The following PIGK variants were observed in gnomAD, a reference collection of about 807,000 sequenced individuals.
The protein encoded by PIGK is phosphatidylinositol glycan anchor biosynthesis class K, also known as GPI-anchor transamidase.
In PIGK, 42 loss-of-function variants were observed where a neutral mutation model predicts 50.6. The observed-to-expected ratio is 0.83, with a 90% CI of 0.65 to 1.07. PIGK has a LOEUF of 1.07. Among genes scored for constraint, PIGK ranks in the 50% least tolerant of loss-of-function variants. The pLI is 0.00. For missense variants in PIGK, 448 were observed against 488.7 expected, an observed-to-expected ratio of 0.92 and a Z score of 0.78; for synonymous variants, 151 against 156.0, an observed-to-expected ratio of 0.97 and a Z score of 0.24.
chr1:77,119,543 A>G (rs1654048507), intron 10 of PIGK, among the ~76,000 whole-genome samples: 1 of 152,184 alleles, frequency 6.6e-6, no homozygotes, highest in Admixed American at 6.5e-5. Context: ...TGGGTTTCCT[A>G]GGTATACAGT....
At chr1:77,110,580 C>G (rs570566145) in intron 10 of PIGK, among the ~76,000 whole-genome samples, 1 of 152,248 alleles carries the variant, frequency 6.6e-6, no homozygotes, top group South Asian at 2.1e-4. Context: ...AAACTGGATC[C>G]CTTCCTTACA....
At chr1:77,192,869 T>C (rs1352403365) in intron 3 of PIGK, among the ~76,000 whole-genome samples, 2 of 152,202 alleles carry the variant, frequency 1.3e-5, no homozygotes, top group Non-Finnish European at 2.9e-5. Flanking sequence ...TGTCCTTTGC[T>C]TCTTTTCTTT....
intron 9 of PIGK, among the ~76,000 whole-genome samples, chr1:77,149,788 T>C (rs4949650): frequency 0.18 from 26,836 of 152,102 alleles, 2,561 homozygotes; most frequent in East Asian, 0.36. Context: ...CTGCTGCAGA[T>C]TATACATTTT....
chr1:77,181,925 C>T (rs1255152018), intron 3 of PIGK, among the ~76,000 whole-genome samples: 1 of 152,152 alleles, frequency 6.6e-6, no homozygotes, highest in East Asian at 1.9e-4. Flanking sequence ...TGAAATTCAT[C>T]GTAATAAATC....
chr1:77,092,561 GA>G (rs1653324793), intron 10 of PIGK, 71 bp from the exon 11 acceptor site: 2 of 831,246 alleles, frequency 2.4e-6, no homozygotes, highest in Non-Finnish European at 4.0e-6. Flanking sequence ...AGCAAACATT[GA>G]TGAAAAAGAT....
In PIGK at chr1:77,092,426, A is replaced by G; in HGVS notation, c.1136T>C (p.Ile379Thr). 8 of 1,607,496 alleles carry G rather than the reference A, an allele frequency of 5.0e-6. No individual in the cohort carries two copies. Among genetic ancestry groups the G allele is most frequent in the Non-Finnish European group, 6.8e-6 (8 of 1,176,624 alleles). The change falls in exon 11 of 11, where the codon ATC becomes ACC. Residue 379 changes from isoleucine to threonine, a missense_variant. Ile to Thr is a moderately conservative substitution (Grantham distance 89, BLOSUM62 -1). Transcript: ENST00000370812. ...TCCATAAGTTTTGAAGAAAACCATG[A>G]TAATAAGTGCCCATAATCCCAGAAT... ...GFILGLWALIIMVFFKTYGIK... is the reference protein window; with the variant it reads ...GFILGLWALITMVFFKTYGIK...
intron 3 of PIGK, among the ~76,000 whole-genome samples, chr1:77,189,748 T>C (rs7537359): frequency 0.32 from 16,446 of 51,066 alleles, 1,885 homozygotes; most frequent in East Asian, 0.42. Context: ...TATATATATA[T>C]ACACACACAC....
At chr1:77,146,136 T>C (rs749662158) in intron 9 of PIGK, among the ~76,000 whole-genome samples, 2 of 151,854 alleles carry the variant, frequency 1.3e-5, no homozygotes, top group Non-Finnish European at 2.9e-5. Flanking sequence ...TGGATGTCCA[T>C]ATGGAAAAAA....
intron 9 of PIGK, among the ~76,000 whole-genome samples, chr1:77,142,252 A>G (rs969793334): frequency 6.6e-6 from 1 of 152,212 alleles, no homozygotes; most frequent in African/African-American, 2.4e-5. Flanking sequence ...ATCAAGCTAT[A>G]GAAACAGAAC....
rs1655666239 is a variant in PIGK, at chr1:77,183,396, GC to G, written c.240-14002del. ...TATGCTGCCTGAGGCAACAGTAACG[GC>G]CTCCCCTGAGGCAGTTGTTAGGCAA... On this transcript the variant is annotated intron_variant, in intron 3 of 10. Transcript: ENST00000370812. 5.9e-5 allele frequency among the ~76,000 whole-genome samples: 9 copies of G among 152,214 alleles called. No homozygotes were observed. The Middle Eastern group carries it at 0.017, about 288-fold the overall frequency.
chr1:77,172,756 T>C (rs991288210), intron 3 of PIGK, among the ~76,000 whole-genome samples: 2 of 151,868 alleles, frequency 1.3e-5, no homozygotes, highest in African/African-American at 2.4e-5. Flanking sequence ...ACCCCGTCTC[T>C]ACAAAAAATA....
chr1:77,116,855 T>G (rs970195710), intron 10 of PIGK, among the ~76,000 whole-genome samples: 14 of 152,176 alleles, frequency 9.2e-5, no homozygotes, highest in Admixed American at 4.6e-4. Context: ...TGTTTCATAA[T>G]TATAACTATG....
At chr1:77,154,765 T>A in intron 8 of PIGK, 144 bp from the exon 9 acceptor site, 1 of 605,072 alleles carries the variant, frequency 1.7e-6, no homozygotes, top group Non-Finnish European at 2.9e-6. Flanking sequence ...CCTTAAAGAT[T>A]AAAGTTTCAT....
chr1:77,092,387 T>C lies in PIGK; in HGVS notation c.1175A>G (p.Lys392Arg), dbSNP rs1408504506. 2.6e-6 allele frequency: 4 copies of C among 1,533,762 alleles called. No individual in the cohort carries two copies. The highest frequency in any genetic ancestry group is 3.6e-6 in the Non-Finnish European group (4 of 1,116,106). ...FFKTYGIKHMKFIF is the reference protein window; with the variant it reads ...FFKTYGIKHMRFIF Reference sequence around the variant, plus strand: ...TCATCATCAAGTCTAAAAAATGAACTTCATATGCTTAATTCCATAAGTTTT... The same window carrying C: ...TCATCATCAAGTCTAAAAAATGAACCTCATATGCTTAATTCCATAAGTTTT... The change falls in exon 11 of 11, where the codon AAG becomes AGG. Residue 392 changes from lysine to arginine, a missense_variant. Transcript: ENST00000370812.
intron 10 of PIGK, among the ~76,000 whole-genome samples, chr1:77,114,739 A>C (rs190272458): frequency 6.6e-6 from 1 of 152,204 alleles, no homozygotes; most frequent in Non-Finnish European, 1.5e-5. Flanking sequence ...GTTAATTTAT[A>C]TTAATTTAAA....
intron 9 of PIGK, among the ~76,000 whole-genome samples, chr1:77,137,091 CAAG>C (rs1259838737): frequency 6.6e-6 from 1 of 152,190 alleles, no homozygotes; most frequent in Non-Finnish European, 1.5e-5. Flanking sequence ...TAGGATGCAG[CAAG>C]AATAACAGGG....
At chr1:77,191,215 T>C (rs1360077089) in intron 3 of PIGK, among the ~76,000 whole-genome samples, 1 of 152,242 alleles carries the variant, frequency 6.6e-6, no homozygotes. Context: ...GTCATGAATG[T>C]CACTGATCTA....
intron 2 of PIGK, among the ~76,000 whole-genome samples, chr1:77,209,629 A>G (rs770757209): frequency 2.0e-5 from 3 of 152,130 alleles, no homozygotes; most frequent in Non-Finnish European, 4.4e-5. Context: ...AGTTATGTGT[A>G]TAAGAATGTT....
At chr1:77,201,930 C>T (rs566049862) in intron 3 of PIGK, among the ~76,000 whole-genome samples, 5 of 151,764 alleles carry the variant, frequency 3.3e-5, no homozygotes, top group Non-Finnish European at 7.4e-5. Flanking sequence ...TGGTGGTGCG[C>T]ACCTGTAGTT....
Sources: allele counts gnomAD v4.1 joint callset (sites outside exome capture counted in the v4.1 genomes callset), GRCh38; gene constraint gnomAD v4.1.1; transcripts MANE v1.5; gene names NCBI Gene and HGNC (gene_info 2026-07-23, HGNC 2026-07-21).